DACH2: variants seen among roughly 807,000 people sequenced by gnomAD.
DACH2 encodes the protein dachshund family transcription factor 2.
In DACH2, 17 loss-of-function variants were observed where a neutral mutation model predicts 35.8. The ratio of observed to expected loss-of-function variants is 0.48; its 90% CI spans 0.33 to 0.71. The LOEUF (loss-of-function observed/expected upper bound fraction) is 0.71. Among genes scored for constraint, DACH2 ranks in the 30% least tolerant of loss-of-function variants. The pLI is 0.02. For synonymous variants in DACH2, 195 were observed against 177.3 expected (o/e 1.10, Z -0.79); for missense variants, 469 against 472.7 (o/e 0.99, Z 0.07).
At chrX:86,529,373 AT>A (rs1407571615) in intron 3 of DACH2, among the ~76,000 whole-genome samples, 1 of 108,642 alleles carries the variant, frequency 9.2e-6, no homozygotes, top group Non-Finnish European at 1.9e-5. Flanking sequence ...ATCAAACTGT[AT>A]GATTCTACCT....
chrX:86,488,363 T>G (rs1051429350), intron 2 of DACH2, among the ~76,000 whole-genome samples: 2 of 111,132 alleles, frequency 1.8e-5, no homozygotes, highest in African/African-American at 6.5e-5. Flanking sequence ...AATAAGAATT[T>G]CCACTAACTC....
chrX:86,798,389 C>T (rs2147332636), intron 7 of DACH2, among the ~76,000 whole-genome samples: 1 of 112,457 alleles, frequency 8.9e-6, no homozygotes, highest in Admixed American at 9.4e-5. Context: ...TTAAATATTA[C>T]AAAGTGAGAA....
intron 7 of DACH2, among the ~76,000 whole-genome samples, chrX:86,796,318 A>C (rs978941977): frequency 1.8e-5 from 2 of 111,378 alleles, no homozygotes; most frequent in Non-Finnish European, 3.8e-5. Context: ...TGCGTTTACA[A>C]ACCTTAAGCT....
In DACH2 at chrX:86,404,997, C is replaced by T. The variant is rs770748952; in HGVS notation, c.527+28135C>T. Among the ~76,000 whole-genome samples the T allele has an allele frequency of 2.6e-4, 29 of 112,274 alleles. No homozygotes were observed. In the South Asian group the frequency reaches 0.011, roughly 42 times the overall value. On this transcript the variant is annotated intron_variant, in intron 2 of 11. Transcript: ENST00000373125. Reference sequence around the variant, plus strand: ...AGCAGCCTGAGCTCTACGTTGTCCCCTTTTAGCCACAGCCATGGCTTGAGC... The same window carrying T: ...AGCAGCCTGAGCTCTACGTTGTCCCTTTTTAGCCACAGCCATGGCTTGAGC...
intron 7 of DACH2, among the ~76,000 whole-genome samples, chrX:86,801,515 C>G (rs1046922098): frequency 8.9e-6 from 1 of 112,255 alleles, no homozygotes; most frequent in Non-Finnish European, 1.9e-5. Context: ...GAAAACAGAA[C>G]TGTCTGTCAT....
At chrX:86,378,004 G>C (rs2035993682) in intron 2 of DACH2, among the ~76,000 whole-genome samples, 1 of 110,389 alleles carries the variant, frequency 9.1e-6, no homozygotes, top group Non-Finnish European at 1.9e-5. Flanking sequence ...TAATGACTGA[G>C]TTTAACTGTA....
At chrX:86,396,936 G>A (rs895443522) in intron 2 of DACH2, among the ~76,000 whole-genome samples, 2 of 111,195 alleles carry the variant, frequency 1.8e-5, no homozygotes, top group Non-Finnish European at 3.8e-5. Flanking sequence ...GAAAGTCATT[G>A]GTAGCTTGAT....
chrX:86,721,349 C>T (rs1017921282), intron 6 of DACH2, among the ~76,000 whole-genome samples: 2 of 111,981 alleles, frequency 1.8e-5, no homozygotes, highest in Non-Finnish European at 3.8e-5. Context: ...ACACCAGATA[C>T]CCTAAATCAT....
chrX:86,829,336 G>A (rs1297839890), intron 11 of DACH2: 2 of 111,722 alleles, frequency 1.8e-5, no homozygotes, highest in East Asian at 5.6e-4. Flanking sequence ...AACAGTGACA[G>A]GTGACTAAAA....
chrX:86,657,658 C>T (rs1321651341), intron 4 of DACH2, among the ~76,000 whole-genome samples: 3 of 110,700 alleles, frequency 2.7e-5, no homozygotes, highest in African/African-American at 9.8e-5. Flanking sequence ...TCTTATAAGC[C>T]GTTTTCACAA....
At chrX:86,327,567 T>C (rs772773831) in intron 1 of DACH2, among the ~76,000 whole-genome samples, 1 of 110,805 alleles carries the variant, frequency 9.0e-6, no homozygotes, top group East Asian at 2.8e-4. Flanking sequence ...AGAATGAAGC[T>C]ATCATGAGTA....
intron 1 of DACH2, among the ~76,000 whole-genome samples, chrX:86,260,908 C>T (rs1165610682): frequency 1.8e-5 from 2 of 111,742 alleles, no homozygotes; most frequent in Non-Finnish European, 1.9e-5. Flanking sequence ...TAAAGTATCC[C>T]AAAAAGTAAA....
chrX:86,435,584 C>T (rs2037054891), intron 2 of DACH2, among the ~76,000 whole-genome samples: 1 of 111,814 alleles, frequency 8.9e-6, no homozygotes, highest in African/African-American at 3.2e-5. Context: ...TCCCAACTGC[C>T]TGTTTTTGCT....
chrX:86,667,393 GA>G (rs2040689399), intron 4 of DACH2, among the ~76,000 whole-genome samples: 1 of 86,809 alleles, frequency 1.2e-5, no homozygotes, highest in Admixed American at 1.4e-4. Context: ...AGGAAGGAAG[GA>G]AAAAAGAAAA....
At chrX:86,696,115 T>C (rs1490333418) in intron 5 of DACH2, among the ~76,000 whole-genome samples, 2 of 111,753 alleles carry the variant, frequency 1.8e-5, no homozygotes, top group Non-Finnish European at 3.8e-5. Flanking sequence ...AGATCTTGTG[T>C]ATATTACTTT....
chrX:86,168,970 G>C (rs1485574773), intron 1 of DACH2, among the ~76,000 whole-genome samples: 1 of 110,800 alleles, frequency 9.0e-6, no homozygotes, highest in African/African-American at 3.3e-5. Flanking sequence ...GTGTTTTTTT[G>C]TGTGCTTATT....
chrX:86,285,367 T>A (rs1354937931), intron 1 of DACH2, among the ~76,000 whole-genome samples: 1 of 111,957 alleles, frequency 8.9e-6, no homozygotes, highest in Non-Finnish European at 1.9e-5. Flanking sequence ...AATTTTTGTA[T>A]GTTGTATTTT....
intron 1 of DACH2, among the ~76,000 whole-genome samples, chrX:86,156,125 T>C (rs188741961): frequency 1.8e-5 from 2 of 111,399 alleles, no homozygotes; most frequent in Admixed American, 9.5e-5. Context: ...AATTGTTTTA[T>C]GCAAAATTGA....
intron 1 of DACH2, among the ~76,000 whole-genome samples, chrX:86,277,617 C>A (rs113621668): frequency 8.9e-6 from 1 of 112,233 alleles, no homozygotes; most frequent in South Asian, 3.7e-4. Context: ...ACATCAACAA[C>A]GCATTTGGCC....
Sources: allele counts gnomAD v4.1 joint callset (sites outside exome capture counted in the v4.1 genomes callset), GRCh38; gene constraint gnomAD v4.1.1; transcripts MANE v1.5; gene names NCBI Gene and HGNC (gene_info 2026-07-23, HGNC 2026-07-21).